Variants in TRIM2 observed in about 807,000 individuals in gnomAD.
TRIM2 encodes tripartite motif containing 2.
In TRIM2, 20 loss-of-function variants were observed where a neutral mutation model predicts 75.2. The observed-to-expected ratio is 0.27, with a 90% CI of 0.19 to 0.39. The LOEUF (loss-of-function observed/expected upper bound fraction) is 0.39, where lower values mean the gene tolerates loss of function less well. Among genes scored for constraint, TRIM2 ranks in the 10% least tolerant of loss-of-function variants. The pLI, the probability that TRIM2 is intolerant of heterozygous loss-of-function variation, is 1.00. For synonymous variants in TRIM2, 373 were observed against 388.3 expected (o/e 0.96, Z 0.46); for missense variants, 660 against 990.8 (o/e 0.67, Z 4.48).
intron 1 of TRIM2, among the ~76,000 whole-genome samples, chr4:153,161,768 T>C (rs770106350): frequency 5.3e-5 from 8 of 152,192 alleles, no homozygotes; most frequent in South Asian, 2.1e-4. Flanking sequence ...TCCAAGGTGG[T>C]CAATTATGTC....
At chr4:153,305,558 C>T (rs996639595) in intron 6 of TRIM2, among the ~76,000 whole-genome samples, 3 of 152,132 alleles carry the variant, frequency 2.0e-5, no homozygotes, top group African/African-American at 2.4e-5. Context: ...CTGTGAAGTC[C>T]AGAGGCATGG....
chr4:153,222,510 C>T (rs1740876768), intron 1 of TRIM2: 1 of 152,190 alleles, frequency 6.6e-6, no homozygotes, highest in Admixed American at 6.5e-5. Flanking sequence ...AACCGGGCAC[C>T]AACTTGCGTG....
intron 3 of TRIM2, among the ~76,000 whole-genome samples, chr4:153,285,524 G>A (rs550522911): frequency 6.6e-6 from 1 of 151,970 alleles, no homozygotes; most frequent in South Asian, 2.1e-4. Flanking sequence ...ATAGAGATAG[G>A]TCTCACTATT....
intron 1 of TRIM2, among the ~76,000 whole-genome samples, chr4:153,163,889 C>T (rs887031058): frequency 6.6e-6 from 1 of 152,030 alleles, no homozygotes; most frequent in South Asian, 2.1e-4. Flanking sequence ...TTGTTATTCA[C>T]ATACAAATCC....
At chr4:153,168,492 G>T (rs958252997) in intron 1 of TRIM2, among the ~76,000 whole-genome samples, 3 of 152,088 alleles carry the variant, frequency 2.0e-5, no homozygotes, top group African/African-American at 7.2e-5. Context: ...GATAGGCAGT[G>T]ACCAAAGGCA....
intron 8 of TRIM2, among the ~76,000 whole-genome samples, chr4:153,321,904 C>A (rs1416256747): frequency 2.0e-5 from 3 of 152,132 alleles, no homozygotes; most frequent in African/African-American, 7.2e-5. Flanking sequence ...ATTTTTTGGA[C>A]ATTTTTTAAT....
At chr4:153,331,853 C>A (rs1273635384) in intron 11 of TRIM2, among the ~76,000 whole-genome samples, 1 of 152,108 alleles carries the variant, frequency 6.6e-6, no homozygotes, top group Non-Finnish European at 1.5e-5. Context: ...AGTTGTACAG[C>A]CTATTGCATT....
At chr4:153,169,819 A>G (rs561599512) in intron 1 of TRIM2, among the ~76,000 whole-genome samples, 100 of 152,352 alleles carry the variant, frequency 6.6e-4, no homozygotes, top group Middle Eastern at 3.4e-3. Flanking sequence ...CCAAATGTCT[A>G]CGTGTGGCAT....
intron 10 of TRIM2, among the ~76,000 whole-genome samples, chr4:153,328,327 A>T (rs1286607297): frequency 2.0e-5 from 3 of 152,236 alleles, no homozygotes; most frequent in Non-Finnish European, 2.9e-5. Flanking sequence ...TGATTTAACA[A>T]ATGATAAATC....
intron 1 of TRIM2, among the ~76,000 whole-genome samples, chr4:153,220,145 G>T (rs142449321): frequency 6.6e-6 from 1 of 152,152 alleles, no homozygotes; most frequent in African/African-American, 2.4e-5. Flanking sequence ...CCAGAATTGG[G>T]TTAGAAGTGG....
At chr4:153,324,039 G>A in intron 9 of TRIM2, 39 bp from the exon 10 acceptor site, 1 of 1,522,708 alleles carries the variant, frequency 6.6e-7, no homozygotes, top group South Asian at 1.1e-5. Flanking sequence ...AATCACTTTT[G>A]TTGTAGTCAT....
At chr4:153,171,093 G>A (rs998819904) in intron 1 of TRIM2, among the ~76,000 whole-genome samples, 1 of 152,208 alleles carries the variant, frequency 6.6e-6, no homozygotes, top group Admixed American at 6.5e-5. Flanking sequence ...CCGAGGCTGT[G>A]GGACAGCAGG....
At chr4:153,309,488 A>G (rs936829112) in intron 6 of TRIM2, among the ~76,000 whole-genome samples, 4 of 152,336 alleles carry the variant, frequency 2.6e-5, no homozygotes, top group African/African-American at 9.6e-5. Flanking sequence ...ACTCATTAAT[A>G]ACTTATTCAT....
At chr4:153,187,687 C>A (rs1378046203) in intron 1 of TRIM2, among the ~76,000 whole-genome samples, 1 of 152,200 alleles carries the variant, frequency 6.6e-6, no homozygotes, top group Non-Finnish European at 1.5e-5. Context: ...AGGTGGGCTG[C>A]ATGGAGGAGT....
At chr4:153,181,472 C>T (rs1732052306) in intron 1 of TRIM2, among the ~76,000 whole-genome samples, 1 of 152,182 alleles carries the variant, frequency 6.6e-6, no homozygotes, top group South Asian at 2.1e-4. Flanking sequence ...TGAAGGCTCA[C>T]TTGCCCTCCT....
intron 1 of TRIM2, among the ~76,000 whole-genome samples, chr4:153,247,448 G>C (rs1199611882): frequency 6.6e-6 from 1 of 152,180 alleles, no homozygotes; most frequent in South Asian, 2.1e-4. Flanking sequence ...GGCCGAGGCA[G>C]GCAGATCATT....
intron 6 of TRIM2, among the ~76,000 whole-genome samples, chr4:153,307,482 A>G (rs1340972573): frequency 2.0e-5 from 3 of 152,228 alleles, no homozygotes; most frequent in African/African-American, 7.2e-5. Flanking sequence ...GTACAAATTC[A>G]GTTTATTAAT....
At chr4:153,296,229 T>C (rs993704127) in intron 6 of TRIM2, among the ~76,000 whole-genome samples, 193 bp downstream of exon 6, 3 of 152,194 alleles carry the variant, frequency 2.0e-5, no homozygotes, top group African/African-American at 7.2e-5. Flanking sequence ...TATTTCCTTC[T>C]CCTCCGCCTC....
chr4:153,247,012 C>T (rs1386928877), intron 1 of TRIM2, among the ~76,000 whole-genome samples: 1 of 152,156 alleles, frequency 6.6e-6, no homozygotes, highest in African/African-American at 2.4e-5. Flanking sequence ...TTCTCATGTC[C>T]AGAGACGATG....
Sources: gnomAD v4.1 joint callset for allele counts (sites outside exome capture counted in the v4.1 genomes callset) on GRCh38, gnomAD v4.1.1 for gene constraint, MANE v1.5 for transcripts, NCBI Gene and HGNC (gene_info 2026-07-23, HGNC 2026-07-21) for gene names.